Variants in LRFN2 observed in about 807,000 individuals in gnomAD.
The protein encoded by LRFN2 is leucine rich repeat and fibronectin type III domain containing 2.
In LRFN2, 18 loss-of-function variants were observed where a neutral mutation model predicts 37.3. The observed-to-expected ratio is 0.48, with a 90% confidence interval of 0.33 to 0.72. The LOEUF is 0.72. Ranked by LOEUF, LRFN2 falls within the 30% of genes least tolerant of loss-of-function variation. LRFN2 has a pLI of 0.02. For synonymous variants in LRFN2, 556 were observed against 466.6 expected (o/e 1.19, Z -2.47); for missense variants, 1,006 against 1,060.7 (o/e 0.95, Z 0.72).
At chr6:40,471,519 A>G (rs1194481740) in intron 1 of LRFN2, among the ~76,000 whole-genome samples, 1 of 152,100 alleles carries the variant, frequency 6.6e-6, no homozygotes, top group Admixed American at 6.5e-5. Flanking sequence ...TCAGCCCTAG[A>G]GCCAGCTGGC....
At chr6:40,492,607 G>T (rs575536417) in intron 1 of LRFN2, among the ~76,000 whole-genome samples, 11 of 152,190 alleles carry the variant, frequency 7.2e-5, no homozygotes, top group Non-Finnish European at 1.2e-4. Flanking sequence ...CCAGCCTGGG[G>T]TTTACAGGAC....
chr6:40,547,769 C>T (rs1049215591), intron 1 of LRFN2, among the ~76,000 whole-genome samples: 1 of 152,118 alleles, frequency 6.6e-6, no homozygotes, highest in Non-Finnish European at 1.5e-5. Flanking sequence ...CCTGGTGAGA[C>T]ACCTTTTTGA....
intron 1 of LRFN2, among the ~76,000 whole-genome samples, chr6:40,528,344 G>A (rs1766291961): frequency 6.6e-6 from 1 of 152,210 alleles, no homozygotes; most frequent in Admixed American, 6.5e-5. Context: ...CATGGGAAGA[G>A]GGAGCACTCA....
intron 1 of LRFN2, among the ~76,000 whole-genome samples, chr6:40,514,434 C>T (rs746204814): frequency 3.3e-5 from 5 of 152,158 alleles, no homozygotes; most frequent in Admixed American, 6.5e-5. Context: ...CCTGCCTCAG[C>T]CTCCTGAGTA....
chr6:40,564,812 G>C (rs1618714), intron 1 of LRFN2, among the ~76,000 whole-genome samples: 77,255 of 151,718 alleles, frequency 0.51, 20,001 homozygotes, highest in Middle Eastern at 0.61. Flanking sequence ...CCCCAGCATT[G>C]CCCACACCAT....
intron 1 of LRFN2, among the ~76,000 whole-genome samples, chr6:40,468,445 T>C (rs1303019413): frequency 1.3e-5 from 2 of 152,096 alleles, no homozygotes; most frequent in African/African-American, 4.8e-5. Flanking sequence ...ATCATTCCTT[T>C]GGGGAAGAAG....
chr6:40,412,521 C>T (rs928344043), intron 2 of LRFN2, among the ~76,000 whole-genome samples: 7 of 152,146 alleles, frequency 4.6e-5, no homozygotes, highest in African/African-American at 1.4e-4. Context: ...GGAGCTCTGG[C>T]CTGAGAGCTT....
At chr6:40,454,288 T>G (rs527420705) in intron 1 of LRFN2, among the ~76,000 whole-genome samples, 1 of 152,192 alleles carries the variant, frequency 6.6e-6, no homozygotes, top group Non-Finnish European at 1.5e-5. Context: ...ATTAGACAAA[T>G]TCTTGAAAGA....
intron 1 of LRFN2, among the ~76,000 whole-genome samples, chr6:40,570,973 T>G (rs1767176252): frequency 6.6e-6 from 1 of 152,196 alleles, no homozygotes. Context: ...GGTGTGCGCA[T>G]TGTCTATGGG....
Position 40,559,445 on chromosome 6 carries a change from C to T in LRFN2, c.-19+27496G>A, listed in dbSNP as rs368749753. On this transcript the variant is annotated intron_variant, in intron 1 of 2. Coordinates refer to ENST00000338305, the MANE Select transcript of LRFN2 (RefSeq NM_020737.3). Reference sequence around the variant, plus strand: ...GTCACCCCCACACCCTGGGAATCCCCAGTTCAGCTGGGGTGGTCCCAGGCC... The same window carrying T: ...GTCACCCCCACACCCTGGGAATCCCTAGTTCAGCTGGGGTGGTCCCAGGCC... 7.9e-5 allele frequency among the ~76,000 whole-genome samples: 12 copies of T among 152,238 alleles called. No individual in the cohort carries two copies. In the East Asian group the frequency reaches 1.6e-3, roughly 20 times the overall value.
intron 2 of LRFN2, among the ~76,000 whole-genome samples, chr6:40,404,001 G>A (rs557627872): frequency 6.6e-6 from 1 of 152,244 alleles, no homozygotes; most frequent in African/African-American, 2.4e-5. Flanking sequence ...TGCACTGGCT[G>A]TTCCCTCTGC....
chr6:40,501,619 G>A (rs1475683144), intron 1 of LRFN2: 2 of 151,902 alleles, frequency 1.3e-5, no homozygotes, highest in African/African-American at 4.8e-5. Flanking sequence ...ACCACATCCA[G>A]TCACCACTGA....
chr6:40,556,684 C>G (rs865820390), intron 1 of LRFN2, among the ~76,000 whole-genome samples: 2 of 125,360 alleles, frequency 1.6e-5, no homozygotes, highest in African/African-American at 6.5e-5. Flanking sequence ...CTCTCTCTCT[C>G]TCTCTTTGTT....
At chr6:40,394,887 T>G (rs1470027886) in intron 2 of LRFN2, among the ~76,000 whole-genome samples, 1 of 152,040 alleles carries the variant, frequency 6.6e-6, no homozygotes, top group Admixed American at 6.5e-5. Context: ...GCCTTTCACC[T>G]TTTGCCATGA....
chr6:40,477,047 T>C (rs767204373), intron 1 of LRFN2, among the ~76,000 whole-genome samples: 5 of 152,334 alleles, frequency 3.3e-5, no homozygotes, highest in Non-Finnish European at 7.3e-5. Context: ...ATTATCTAGG[T>C]CAGCAGTCTC....
At chr6:40,463,563 C>T (rs138523535) in intron 1 of LRFN2, among the ~76,000 whole-genome samples, 21 of 152,148 alleles carry the variant, frequency 1.4e-4, no homozygotes, top group Middle Eastern at 3.4e-3. Flanking sequence ...AGCTCTTTAG[C>T]GGAATCTCTA....
intron 2 of LRFN2, among the ~76,000 whole-genome samples, chr6:40,422,852 G>C (rs960038828): frequency 2.6e-5 from 4 of 152,302 alleles, no homozygotes; most frequent in Admixed American, 2.6e-4. Flanking sequence ...TCTCTTACTG[G>C]AGGGGGAAAA....
At chr6:40,492,789 C>T (rs934746715) in intron 1 of LRFN2, among the ~76,000 whole-genome samples, 4 of 152,102 alleles carry the variant, frequency 2.6e-5, no homozygotes, top group East Asian at 1.9e-4. Flanking sequence ...GAACCAGTTC[C>T]GAAGCCCAGA....
intron 1 of LRFN2, among the ~76,000 whole-genome samples, chr6:40,525,142 C>T (rs1274366044): frequency 1.3e-5 from 2 of 152,228 alleles, no homozygotes; most frequent in Non-Finnish European, 2.9e-5. Context: ...CCCACCTGGC[C>T]CTGGCTCTGC....
Sources: gnomAD v4.1 joint callset for allele counts (sites outside exome capture counted in the v4.1 genomes callset) on GRCh38, gnomAD v4.1.1 for gene constraint, MANE v1.5 for transcripts, NCBI Gene and HGNC (gene_info 2026-07-23, HGNC 2026-07-21) for gene names.